Variants in AFF3 observed in about 807,000 individuals in gnomAD.
AFF3 encodes the protein AF4/FMR2 family member 3.
In AFF3, 32 loss-of-function variants were observed where a neutral mutation model predicts 129.7. That is an observed-to-expected ratio of 0.25 (90% CI 0.19 to 0.33). AFF3 has a LOEUF of 0.33. AFF3 is among the 10% of genes least tolerant of loss of function. AFF3 has a pLI of 1.00. For missense variants in AFF3, 1,373 were observed against 1,592.0 expected (o/e 0.86, Z 2.34); for synonymous variants, 644 against 635.4 (o/e 1.01, Z -0.20).
At chr2:99,916,168 A>C (rs1401661150) in intron 7 of AFF3, among the ~76,000 whole-genome samples, 1 of 152,100 alleles carries the variant, frequency 6.6e-6, no homozygotes, top group Non-Finnish European at 1.5e-5. Context: ...CCTACAGGAG[A>C]GCTCAGTTAA....
At chr2:99,618,639 A>G (rs1681688165) in intron 13 of AFF3, among the ~76,000 whole-genome samples, 1 of 152,224 alleles carries the variant, frequency 6.6e-6, no homozygotes, top group South Asian at 2.1e-4. Context: ...CCAACAAAGT[A>G]GCCTAACCAG....
chr2:99,892,064 C>T lies in AFF3; in HGVS notation c.874-54540G>A, dbSNP rs546042090. On this transcript the variant is annotated intron_variant, in intron 7 of 24. Coordinates refer to ENST00000672756, the MANE Select transcript of AFF3 (RefSeq NM_001386135.1). The stretch of plus-strand genomic sequence containing the variant: ...GTCTCAATCTCCTGACCTCGTGATC[C>T]GCCCGCCTTGGCCTCCCAAAGTGCT... Among the ~76,000 whole-genome samples the T allele has an allele frequency of 8.5e-5, 13 of 152,270 alleles. No individual in the cohort carries two copies. In the South Asian group the frequency reaches 1.7e-3, roughly 19 times the overall value.
At chr2:100,105,632 A>T in intron 2 of AFF3, 49 bp from the exon 3 acceptor site, 2 of 1,337,992 alleles carry the variant, frequency 1.5e-6, no homozygotes, top group Non-Finnish European at 2.0e-6. Flanking sequence ...AGTAATAATA[A>T]TCTCCCTCAT....
intron 11 of AFF3, among the ~76,000 whole-genome samples, chr2:99,696,402 TACTC>T (rs1213009185): frequency 2.0e-5 from 3 of 152,166 alleles, no homozygotes; most frequent in African/African-American, 7.2e-5. Flanking sequence ...ACACTTCTAT[TACTC>T]AAACTCTGCA....
chr2:99,596,026 A>C (rs750399489), intron 14 of AFF3, among the ~76,000 whole-genome samples: 10 of 152,216 alleles, frequency 6.6e-5, no homozygotes, highest in Non-Finnish European at 1.3e-4. Flanking sequence ...AGGATGCGGA[A>C]GCCCATCCTG....
At chr2:100,064,065 G>A (rs1687515790) in intron 4 of AFF3, among the ~76,000 whole-genome samples, 1 of 151,076 alleles carries the variant, frequency 6.6e-6, no homozygotes, top group South Asian at 2.1e-4. Context: ...CTCCAGCCTG[G>A]GCAACAAGAA....
chr2:99,709,806 C>T (rs1677733719), intron 11 of AFF3, among the ~76,000 whole-genome samples: 1 of 152,212 alleles, frequency 6.6e-6, no homozygotes, highest in Non-Finnish European at 1.5e-5. Context: ...CATCCCTACC[C>T]CCAAAGCCAA....
chr2:99,580,295 G>T (rs753368801), intron 17 of AFF3, among the ~76,000 whole-genome samples: 1 of 152,080 alleles, frequency 6.6e-6, no homozygotes, highest in Non-Finnish European at 1.5e-5. Flanking sequence ...TTAAAATAAA[G>T]TTTTACTGTA....
In AFF3 at chr2:99,981,293, C is replaced by T. The variant is rs928815562; in HGVS notation, c.873+25339G>A. Among the ~76,000 whole-genome samples the T allele has an allele frequency of 2.6e-5, 4 of 152,234 alleles. No individual in the cohort carries two copies. In the East Asian group the frequency reaches 7.7e-4, roughly 29 times the overall value. ...TCAGCCTCCCAAAGTGCTGGGATTACAGGCATGAGCCACCGTGCCCGGCCC... is the reference window on the plus strand; with the variant it reads ...TCAGCCTCCCAAAGTGCTGGGATTATAGGCATGAGCCACCGTGCCCGGCCC... On this transcript the variant is annotated intron_variant, in intron 7 of 24. Transcript: ENST00000672756.
chr2:99,926,774 A>G (rs1436305779), intron 7 of AFF3, among the ~76,000 whole-genome samples: 1 of 152,072 alleles, frequency 6.6e-6, no homozygotes, highest in Non-Finnish European at 1.5e-5. Flanking sequence ...AAAATACAAT[A>G]TATGCTTAAC....
chr2:99,800,283 G>C (rs145304331), intron 8 of AFF3, among the ~76,000 whole-genome samples: 6 of 152,222 alleles, frequency 3.9e-5, no homozygotes, highest in East Asian at 3.9e-4. Flanking sequence ...CATCACCACA[G>C]AAGATACATG....
chr2:100,115,558 A>AAAAAAT (rs562114335), intron 2 of AFF3, among the ~76,000 whole-genome samples: 1 of 152,212 alleles, frequency 6.6e-6, no homozygotes, highest in Non-Finnish European at 1.5e-5. Flanking sequence ...ACGCTGTCTC[A>AAAAAAT]AAAAATAAAA....
At chr2:99,867,022 T>C (rs1691470549) in intron 7 of AFF3, among the ~76,000 whole-genome samples, 1 of 144,954 alleles carries the variant, frequency 6.9e-6, no homozygotes, top group Non-Finnish European at 1.5e-5. Flanking sequence ...AAAATAAAAA[T>C]AAAAAATAAA....
rs10178569 is a variant in AFF3 at position 100,031,709 on chromosome 2, T to C, written c.54-22777A>G. On this transcript the variant is annotated intron_variant, in intron 4 of 24. Transcript: ENST00000672756. ...TGTATCAAAGGGTTACAGGAGGCAATTGAAAGAGTTTCCAGTGGCTAAAGC... is the reference window on the plus strand; with the variant it reads ...TGTATCAAAGGGTTACAGGAGGCAACTGAAAGAGTTTCCAGTGGCTAAAGC... 5.3e-3 allele frequency among the ~76,000 whole-genome samples: 812 copies of C among 152,364 alleles called. 7 individuals carry two copies. The highest frequency in any genetic ancestry group is 0.019 in the African/African-American group (782 of 41,590).
At chr2:99,787,776 G>T (rs916965028) in intron 8 of AFF3, among the ~76,000 whole-genome samples, 2 of 152,154 alleles carry the variant, frequency 1.3e-5, no homozygotes, top group Non-Finnish European at 2.9e-5. Flanking sequence ...CGGGAGCCTG[G>T]AGTTTGCTGA....
chr2:99,903,923 C>A (rs1281556270), intron 7 of AFF3, among the ~76,000 whole-genome samples: 1 of 152,118 alleles, frequency 6.6e-6, no homozygotes, highest in Non-Finnish European at 1.5e-5. Flanking sequence ...AGTAGACAGC[C>A]CTTTTCTAAA....
At chr2:99,653,712 T>C (rs1007477863) in intron 12 of AFF3, among the ~76,000 whole-genome samples, 4 of 152,148 alleles carry the variant, frequency 2.6e-5, no homozygotes, top group East Asian at 1.9e-4. Context: ...ACTGGTGTGA[T>C]GCTGGGAACA....
At chr2:99,908,576 A>C (rs1269042924) in intron 7 of AFF3, among the ~76,000 whole-genome samples, 1 of 152,250 alleles carries the variant, frequency 6.6e-6, no homozygotes, top group Admixed American at 6.5e-5. Flanking sequence ...CAACATACTC[A>C]TCTGACAAAG....
intron 18 of AFF3, among the ~76,000 whole-genome samples, chr2:99,571,711 AG>A: frequency 6.6e-6 from 1 of 152,338 alleles, no homozygotes; most frequent in Non-Finnish European, 1.5e-5. Flanking sequence ...GAGTCACTGA[AG>A]ATTGCCTGAT....
Sources: gnomAD v4.1 joint callset for allele counts (sites outside exome capture counted in the v4.1 genomes callset) on GRCh38, gnomAD v4.1.1 for gene constraint, MANE v1.5 for transcripts, NCBI Gene and HGNC (gene_info 2026-07-23, HGNC 2026-07-21) for gene names.